The following PAK2 variants were observed in gnomAD, a reference collection of about 807,000 sequenced individuals.
The protein encoded by PAK2 is serine/threonine-protein kinase PAK 2.
Under a neutral mutation model 65.9 loss-of-function variants are expected in PAK2, and 21 were observed. That is an observed-to-expected ratio of 0.32 (90% CI 0.23 to 0.46). The LOEUF (loss-of-function observed/expected upper bound fraction) is 0.46. Ranked by LOEUF, PAK2 falls within the 20% of genes least tolerant of loss-of-function variation. The probability of loss-of-function intolerance (pLI) is 1.00; values close to 1 mark genes in which losing one functional copy is unlikely to be tolerated. For missense variants in PAK2, 324 were observed against 642.6 expected (o/e 0.50, Z 5.36); for synonymous variants, 204 against 219.7 (o/e 0.93, Z 0.63).
At chr3:196,780,614 C>T (rs1714676197) in intron 1 of PAK2, among the ~76,000 whole-genome samples, 1 of 152,150 alleles carries the variant, frequency 6.6e-6, no homozygotes, top group Admixed American at 6.6e-5. Context: ...GCAGCCAAAC[C>T]ATATCACTCC....
intron 1 of PAK2, among the ~76,000 whole-genome samples, chr3:196,777,294 C>T (rs1215314819): frequency 6.6e-6 from 1 of 152,122 alleles, no homozygotes; most frequent in Admixed American, 6.6e-5. Flanking sequence ...ACTTCCGCCT[C>T]CCAGGTTCAA....
Position 196,824,320 on chromosome 3 carries a change from C to T in PAK2, c.1351-2876C>T, listed in dbSNP as rs142245026. Among the ~76,000 whole-genome samples the T allele has an allele frequency of 5.8e-4, 88 of 152,258 alleles. 2 individuals are homozygous for T. The East Asian group carries it at 0.015, about 27-fold the overall frequency. On this transcript the variant is annotated intron_variant, in intron 13 of 14. Coordinates refer to ENST00000327134, the MANE Select transcript of PAK2 (RefSeq NM_002577.4). ...CATATTGGTAGGAATACAGAAATAGCCAGGACCCAGCAATCACCCAGACAT... is the reference window on the plus strand; with the variant it reads ...CATATTGGTAGGAATACAGAAATAGTCAGGACCCAGCAATCACCCAGACAT...
At chr3:196,776,101 C>T (rs1183871317) in intron 1 of PAK2, among the ~76,000 whole-genome samples, 2 of 152,128 alleles carry the variant, frequency 1.3e-5, no homozygotes, top group East Asian at 1.9e-4. Flanking sequence ...GATGTCAAAA[C>T]CTTTTTCCGA....
intron 2 of PAK2, among the ~76,000 whole-genome samples, chr3:196,793,541 A>G (rs1231796736): frequency 6.6e-6 from 1 of 152,182 alleles, no homozygotes; most frequent in Non-Finnish European, 1.5e-5. Flanking sequence ...ATCACCCGAC[A>G]TTTATGAAAA....
rs138560619 is a variant in PAK2 at position 196,770,700 on chromosome 3, G to T, written c.-21-11926G>T. On this transcript the variant is annotated intron_variant, in intron 1 of 14. Transcript: ENST00000327134. The stretch of plus-strand genomic sequence containing the variant: ...TGCAGTGGCACCATCTCGGCTCACT[G>T]TAATCTCCGCCTCCCGGGTTCAAGC... Among the ~76,000 whole-genome samples, 619 of 148,006 alleles carry T rather than the reference G, an allele frequency of 4.2e-3. 11 individuals are homozygous for T. The highest frequency in any genetic ancestry group is 0.015 in the African/African-American group (603 of 40,596).
intron 9 of PAK2, 74 bp downstream of exon 9, chr3:196,812,341 G>T (rs1458788901): frequency 4.6e-6 from 4 of 868,898 alleles, no homozygotes; most frequent in Non-Finnish European, 7.9e-6. Context: ...AAGCTGGGAA[G>T]AAGCAATAGG....
intron 2 of PAK2, among the ~76,000 whole-genome samples, chr3:196,796,763 T>C (rs560739410): frequency 7.2e-5 from 11 of 152,192 alleles, no homozygotes; most frequent in African/African-American, 2.6e-4. Flanking sequence ...TGTTAACAAT[T>C]AAAAGAAACC....
Position 196,808,329 on chromosome 3 carries a change from G to A in PAK2, c.709+415G>A, listed in dbSNP as rs374173751. 3.5e-3 allele frequency among the ~76,000 whole-genome samples: 522 copies of A among 149,324 alleles called. 7 individuals carry two copies. The highest frequency in any genetic ancestry group is 0.033 in the South Asian group (156 of 4,668). ...TGTAATCCCAGCACTTTGGGAGGCC[G>A]AGGTGGGCGGATCACAAGGTCAGGA... On this transcript the variant is annotated intron_variant, in intron 7 of 14. Transcript: ENST00000327134.
chr3:196,804,806 GATA>G (rs1486822379), intron 4 of PAK2, among the ~76,000 whole-genome samples: 1 of 142,552 alleles, frequency 7.0e-6, no homozygotes, highest in Non-Finnish European at 1.5e-5. Flanking sequence ...GTGTGTGTGT[GATA>G]TATATATATA....
At chr3:196,807,952 C>A in intron 7 of PAK2, 38 bp downstream of exon 7, 1 of 1,568,038 alleles carries the variant, frequency 6.4e-7, no homozygotes, top group Non-Finnish European at 8.7e-7. Flanking sequence ...TTAAATTGTT[C>A]ACGGCTCTTA....
intron 1 of PAK2, among the ~76,000 whole-genome samples, chr3:196,745,384 G>A (rs1390159323): frequency 2.7e-5 from 4 of 147,418 alleles, no homozygotes; most frequent in Admixed American, 7.0e-5. Flanking sequence ...TTGGCTTCCC[G>A]AAGTGTTGGG....
At chr3:196,799,691 G>A (rs1715360154) in intron 2 of PAK2, among the ~76,000 whole-genome samples, 1 of 152,186 alleles carries the variant, frequency 6.6e-6, no homozygotes, top group African/African-American at 2.4e-5. Flanking sequence ...CTCACGCTGT[G>A]ACTCAGGCTG....
chr3:196,798,475 G>A (rs1577729394), intron 2 of PAK2, among the ~76,000 whole-genome samples: 1 of 151,904 alleles, frequency 6.6e-6, no homozygotes, highest in South Asian at 2.1e-4. Flanking sequence ...TCCCTAGTAG[G>A]TGGGATTATA....
chr3:196,788,818 AC>A (rs1307538410), intron 2 of PAK2, among the ~76,000 whole-genome samples: 2 of 152,322 alleles, frequency 1.3e-5, no homozygotes, highest in Non-Finnish European at 2.9e-5. Flanking sequence ...GGATCAGAGC[AC>A]ATCCATGGAG....
chr3:196,799,456 G>A (rs1036859406), intron 2 of PAK2, among the ~76,000 whole-genome samples: 2 of 152,140 alleles, frequency 1.3e-5, no homozygotes, highest in African/African-American at 2.4e-5. Flanking sequence ...GAGGCGACGC[G>A]AGTGCTCACG....
At chr3:196,823,793 CAG>C (rs1711732068) in intron 13 of PAK2, among the ~76,000 whole-genome samples, 1 of 138,410 alleles carries the variant, frequency 7.2e-6, no homozygotes, top group Admixed American at 7.7e-5. Context: ...AACTGGGCGA[CAG>C]GGAGAGATTC....
intron 7 of PAK2, among the ~76,000 whole-genome samples, chr3:196,808,486 G>A (rs913259009): frequency 4.0e-5 from 6 of 151,216 alleles, no homozygotes; most frequent in South Asian, 2.1e-4. Flanking sequence ...ACTTGAACCC[G>A]GGAGGCGGAG....
intron 1 of PAK2, among the ~76,000 whole-genome samples, chr3:196,760,724 G>C (rs1393294271): frequency 6.6e-6 from 1 of 152,192 alleles, no homozygotes; most frequent in African/African-American, 2.4e-5. Flanking sequence ...TGCTGGTGAA[G>C]ATTCTGAAAC....
At chr3:196,803,243 GAA>G in intron 4 of PAK2, 79 bp downstream of exon 4, 2 of 1,168,298 alleles carry the variant, frequency 1.7e-6, no homozygotes, top group Non-Finnish European at 2.4e-6. Context: ...CTGGAAAAAT[GAA>G]AAGCTAAACT....
Sources: allele counts gnomAD v4.1 joint callset (sites outside exome capture counted in the v4.1 genomes callset), GRCh38; gene constraint gnomAD v4.1.1; transcripts MANE v1.5; gene names NCBI Gene and HGNC (gene_info 2026-07-23, HGNC 2026-07-21).